Variants in SETX observed in about 807,000 individuals in gnomAD.
The protein encoded by SETX is helicase senataxin.
In SETX, 90 loss-of-function variants were observed where a neutral mutation model predicts 227.2. The observed-to-expected ratio is 0.40, with a 90% CI of 0.33 to 0.47. The LOEUF (loss-of-function observed/expected upper bound fraction) is 0.47. SETX is among the 20% of genes least tolerant of loss of function. The probability of loss-of-function intolerance (pLI) is 0.91; values close to 1 mark genes in which losing one functional copy is unlikely to be tolerated. For synonymous variants in SETX, 1,210 were observed against 1,113.2 expected (o/e 1.09, Z -1.73); for missense variants, 3,052 against 3,181.5 (o/e 0.96, Z 0.98).
chr9:132,268,457 T>C (rs1240645412), intron 25 of SETX, among the ~76,000 whole-genome samples: 2 of 152,220 alleles, frequency 1.3e-5, no homozygotes, highest in Non-Finnish European at 2.9e-5. Flanking sequence ...GCTGTGATTG[T>C]GCCACTGCAC....
chr9:132,288,420 A>G, intron 16 of SETX, 69 bp from the exon 17 acceptor site: 2 of 1,427,050 alleles, frequency 1.4e-6, no homozygotes, highest in Non-Finnish European at 9.8e-7. Context: ...CATATACAAC[A>G]CAATGAGAAG....
intron 15 of SETX, among the ~76,000 whole-genome samples, chr9:132,295,556 T>A (rs1844618843): frequency 6.6e-6 from 1 of 152,198 alleles, no homozygotes. Flanking sequence ...CACAACTGAA[T>A]CAGGGTCCCC....
chr9:132,275,170 T>C, intron 23 of SETX, 86 bp downstream of exon 23: 1 of 1,458,000 alleles, frequency 6.9e-7, no homozygotes, highest in Non-Finnish European at 9.6e-7. Flanking sequence ...GACCACTCCT[T>C]AAGAGTTTCC....
At chr9:132,274,977 A>G in intron 23 of SETX, 1 of 431,002 alleles carries the variant, frequency 2.3e-6, no homozygotes, top group Non-Finnish European at 4.1e-6. Context: ...AAGAATTCAG[A>G]TGAACAAGTC....
chr9:132,276,624 C>A (rs1427816663), intron 22 of SETX, among the ~76,000 whole-genome samples: 1 of 152,238 alleles, frequency 6.6e-6, no homozygotes, highest in Non-Finnish European at 1.5e-5. Context: ...CATATACAGA[C>A]CACCTGAACA....
At chr9:132,280,224 G>T (rs139326122) in intron 20 of SETX, among the ~76,000 whole-genome samples, 39 of 152,226 alleles carry the variant, frequency 2.6e-4, no homozygotes, top group African/African-American at 8.7e-4. Flanking sequence ...AATGAACTTT[G>T]TAATTATTTT....
chr9:132,335,251 C>T (rs62576476), intron 6 of SETX, among the ~76,000 whole-genome samples: 3,085 of 151,520 alleles, frequency 0.02, 40 homozygotes, highest in Non-Finnish European at 0.029. Context: ...ATTAGCCAGG[C>T]GTGGTGGCAG....
chr9:132,271,244 A>C (rs1842886671), intron 24 of SETX, among the ~76,000 whole-genome samples: 2 of 151,844 alleles, frequency 1.3e-5, no homozygotes, highest in Non-Finnish European at 2.9e-5. Flanking sequence ...AAAAGAACAG[A>C]TTCACACTAT....
chr9:132,313,827 TA>T (rs35370496), intron 10 of SETX, among the ~76,000 whole-genome samples: 59 of 144,336 alleles, frequency 4.1e-4, no homozygotes, highest in Admixed American at 4.8e-4. Flanking sequence ...TCAGCTGCTG[TA>T]AAAAAAAAAA....
In SETX at chr9:132,336,145, A is replaced by C. The variant is rs7036889; in HGVS notation, c.718+151T>G. On this transcript the variant is annotated intron_variant, in intron 6 of 25. Coordinates refer to ENST00000224140, the MANE Select transcript of SETX (RefSeq NM_015046.7). ...GTAATCACAGCTACTCGGGAGGCTA[A>C]GGCAGGAGAATTGCTTGAACCTGGG... 88,735 of 678,612 alleles carry C rather than the reference A, an allele frequency of 0.13. 8,607 individuals are homozygous for C. The highest frequency in any genetic ancestry group is 0.43 in the East Asian group (15,061 of 35,302). The allele number at this position is 678,612 out of a possible 1,614,324, so 42.0% of individuals were successfully genotyped here.
At position 132,282,375 on chromosome 9, in the gene SETX, G is replaced by A. The variant is rs181233594; in HGVS notation, c.6547-801C>T. ...GGCAATGACATGATCGTTGTTCACC[G>A]CCTCCCGGGCTCAAGCAATCCTCCC... On this transcript the variant is annotated intron_variant, in intron 19 of 25. Transcript: ENST00000224140. Among the ~76,000 whole-genome samples the A allele has an allele frequency of 3.3e-5, 5 of 149,786 alleles. No individual in the cohort carries two copies. In the East Asian group the frequency reaches 9.8e-4, roughly 29 times the overall value.
At chr9:132,333,104 C>G (rs978208480) in intron 7 of SETX, among the ~76,000 whole-genome samples, 1 of 150,402 alleles carries the variant, frequency 6.6e-6, no homozygotes, top group African/African-American at 2.4e-5. Flanking sequence ...AAAGGCCGGG[C>G]GTGGTGGCTC....
rs774405411 is a variant in SETX at position 132,327,654 on chromosome 9, T to A, written c.3944A>T (p.Lys1315Ile). 15 of 1,613,926 alleles carry A rather than the reference T, an allele frequency of 9.3e-6. No individual in the cohort carries two copies. The highest frequency in any genetic ancestry group is 8.5e-6 in the Non-Finnish European group (10 of 1,179,958). The change falls in exon 10 of 26, where the codon AAA (lysine) becomes ATA (isoleucine). Residue 1315 changes from lysine (K) to isoleucine (I), a missense_variant. Transcript: ENST00000224140. Reference protein sequence around the residue: ...DYVAQLRDHGKTVGVVDTRKK... With the variant: ...DYVAQLRDHGITVGVVDTRKK... ...TCGGGTATCAACTACTCCAACAGTT[T>A]TGCCATGATCACGTAATTGAGCTAC...
In SETX at chr9:132,331,037, CAA is replaced by C; in HGVS notation, c.1098+13_1098+14del. The C allele has an allele frequency of 6.4e-7, 1 of 1,571,358 alleles. No individual in the cohort carries two copies. The highest frequency in any genetic ancestry group is 8.8e-7 in the Non-Finnish European group (1 of 1,140,706). ...GGCAATAAAATAGCATCTGAATTTT[CAA>C]AGTGTTTTATACCTTTTTGGTCTTT... On this transcript the variant is annotated intron_variant, in intron 9 of 25. Transcript: ENST00000224140.
At chr9:132,344,371 AT>A (rs1848171269) in intron 4 of SETX, among the ~76,000 whole-genome samples, 2 of 152,060 alleles carry the variant, frequency 1.3e-5, no homozygotes, top group African/African-American at 4.8e-5. Context: ...ATGCCACTAT[AT>A]CCAGTTAAAT....
chr9:132,346,951 C>A (rs761317933), intron 3 of SETX, among the ~76,000 whole-genome samples: 3 of 151,710 alleles, frequency 2.0e-5, no homozygotes, highest in Non-Finnish European at 4.4e-5. Flanking sequence ...GGAAACCCTG[C>A]CTCTAAGAGA....
intron 25 of SETX, among the ~76,000 whole-genome samples, chr9:132,265,301 C>T (rs1386679888): frequency 6.8e-6 from 1 of 147,066 alleles, no homozygotes; most frequent in African/African-American, 2.5e-5. Flanking sequence ...TCTTGGCTCA[C>T]TGCAACCTCC....
chr9:132,321,903 G>A (rs1261676250), intron 10 of SETX, among the ~76,000 whole-genome samples: 1 of 152,112 alleles, frequency 6.6e-6, no homozygotes, highest in African/African-American at 2.4e-5. Context: ...ATGGTGGGGT[G>A]GGGCTTCCTA....
chr9:132,275,186 C>G, intron 23 of SETX, 70 bp downstream of exon 23: 1 of 1,527,784 alleles, frequency 6.5e-7, no homozygotes, highest in Non-Finnish European at 9.0e-7. Context: ...TTTCCCTTTT[C>G]TTCTTTCCTT....
Sources: allele counts gnomAD v4.1 joint callset (sites outside exome capture counted in the v4.1 genomes callset), GRCh38; gene constraint gnomAD v4.1.1; transcripts MANE v1.5; gene names NCBI Gene and HGNC (gene_info 2026-07-23, HGNC 2026-07-21).